SETBP1: variants seen among roughly 807,000 people sequenced by gnomAD.
SETBP1 encodes the protein SET-binding protein.
SETBP1 carries 9 observed loss-of-function variants against 101.0 expected under a neutral mutation model. That is an observed-to-expected ratio of 0.09 (90% confidence interval 0.05 to 0.16). SETBP1 has a LOEUF of 0.16. SETBP1 is among the 10% of genes least tolerant of loss of function. SETBP1 has a pLI of 1.00. For missense variants in SETBP1, 1,858 were observed against 2,033.8 expected (o/e 0.91, Z 1.66); for synonymous variants, 818 against 788.5 (o/e 1.04, Z -0.63).
chr18:44,933,709 A>G lies in SETBP1; in HGVS notation c.541-16172A>G, dbSNP rs187968419. Reference sequence around the variant, plus strand: ...CAGTTTGATCTCAGACTGTTGTGCTAGCAGTGAGTGAGGCTCCGTGGGTGT... The same window carrying G: ...CAGTTTGATCTCAGACTGTTGTGCTGGCAGTGAGTGAGGCTCCGTGGGTGT... On this transcript the variant is annotated intron_variant, in intron 3 of 5. Coordinates refer to ENST00000649279, the MANE Select transcript of SETBP1 (RefSeq NM_015559.3). Among the ~76,000 whole-genome samples the G allele has an allele frequency of 1.2e-4, 18 of 152,300 alleles. 1 individual carries two copies. The highest frequency in any genetic ancestry group is 4.1e-4 in the African/African-American group (17 of 41,584).
chr18:44,891,748 T>C (rs2069775153), intron 3 of SETBP1, among the ~76,000 whole-genome samples: 1 of 152,188 alleles, frequency 6.6e-6, no homozygotes, highest in African/African-American at 2.4e-5. Flanking sequence ...CGTCTTTATC[T>C]GACCAATTCA....
chr18:44,766,799 C>A (rs528286353), intron 2 of SETBP1, among the ~76,000 whole-genome samples: 1 of 152,044 alleles, frequency 6.6e-6, no homozygotes, highest in South Asian at 2.1e-4. Flanking sequence ...TAGCAAGACC[C>A]TGTCTCTGAA....
chr18:44,904,359 TG>T (rs1001526175), intron 3 of SETBP1, among the ~76,000 whole-genome samples: 11 of 152,340 alleles, frequency 7.2e-5, no homozygotes, highest in African/African-American at 2.4e-4. Flanking sequence ...TATTCCTTTT[TG>T]TTTCATGGGC....
intron 2 of SETBP1, among the ~76,000 whole-genome samples, chr18:44,746,393 A>G (rs2070247828): frequency 6.6e-6 from 1 of 152,250 alleles, no homozygotes; most frequent in Admixed American, 6.5e-5. Context: ...GATGAATATT[A>G]CTGTGTTTTT....
At chr18:44,905,568 G>C (rs1221972721) in intron 3 of SETBP1, among the ~76,000 whole-genome samples, 1 of 130,614 alleles carries the variant, frequency 7.7e-6, no homozygotes, top group African/African-American at 2.9e-5. Context: ...GAAATAAAAG[G>C]GTTCTGATAC....
intron 2 of SETBP1, among the ~76,000 whole-genome samples, chr18:44,783,211 T>C (rs1159977772): frequency 6.6e-6 from 1 of 152,224 alleles, no homozygotes; most frequent in African/African-American, 2.4e-5. Flanking sequence ...ATTTTGCATG[T>C]TTTGGGGGAC....
intron 4 of SETBP1, among the ~76,000 whole-genome samples, chr18:45,019,233 T>G (rs990898112): frequency 2.0e-5 from 3 of 152,324 alleles, no homozygotes; most frequent in East Asian, 3.9e-4. Context: ...TTCCACATAT[T>G]ACATAACCAA....
intron 3 of SETBP1, among the ~76,000 whole-genome samples, chr18:44,909,213 G>A (rs2070246291): frequency 6.6e-6 from 1 of 152,230 alleles, no homozygotes; most frequent in Non-Finnish European, 1.5e-5. Context: ...TTAACTGCTG[G>A]CAGTGTGTAG....
chr18:44,875,637 C>G (rs2069385820), intron 3 of SETBP1, among the ~76,000 whole-genome samples: 1 of 151,942 alleles, frequency 6.6e-6, no homozygotes, highest in Admixed American at 6.6e-5. Context: ...CATGTTCACC[C>G]TGCTTTTGGC....
intron 3 of SETBP1, among the ~76,000 whole-genome samples, chr18:44,914,873 G>A (rs776077429): frequency 1.1e-4 from 16 of 152,134 alleles, no homozygotes; most frequent in South Asian, 4.1e-4. Flanking sequence ...CCAAGCCAAC[G>A]TCCTGAGGAC....
At position 44,971,050 on chromosome 18, in the gene SETBP1, A is replaced by G. The variant is rs1432049895; in HGVS notation, c.4000+17710A>G. On this transcript the variant is annotated intron_variant, in intron 4 of 5. Transcript: ENST00000649279. ...CTTCCCCCACCCCACAACAGGCCCCAGTGTGTGATGTTCCCCTTCCAGTGT... is the reference window on the plus strand; with the variant it reads ...CTTCCCCCACCCCACAACAGGCCCCGGTGTGTGATGTTCCCCTTCCAGTGT... 1.4e-4 allele frequency among the ~76,000 whole-genome samples: 14 copies of G among 100,828 alleles called. No individual in the cohort carries two copies. The East Asian group carries it at 2.2e-3, about 16-fold the overall frequency. The allele number at this position is 100,828 out of a possible 152,430, so 66.1% of individuals were successfully genotyped here.
intron 2 of SETBP1, among the ~76,000 whole-genome samples, chr18:44,845,750 A>G (rs1013822706): frequency 6.6e-5 from 10 of 152,182 alleles, no homozygotes; most frequent in Non-Finnish European, 1.2e-4. Context: ...TTTCTCATTT[A>G]TCTAAATTCT....
chr18:44,693,992 T>C (rs1460133293), intron 1 of SETBP1, among the ~76,000 whole-genome samples: 3 of 152,196 alleles, frequency 2.0e-5, no homozygotes, highest in Non-Finnish European at 2.9e-5. Context: ...GCAGAGATGT[T>C]GCTTCAAGTA....
chr18:44,999,522 T>C (rs2072571367), intron 4 of SETBP1, among the ~76,000 whole-genome samples: 1 of 152,206 alleles, frequency 6.6e-6, no homozygotes, highest in Admixed American at 6.5e-5. Flanking sequence ...CTCTGGGATA[T>C]GTTCAGAGTA....
chr18:44,926,343 G>A (rs996877596), intron 3 of SETBP1, among the ~76,000 whole-genome samples: 3 of 152,176 alleles, frequency 2.0e-5, no homozygotes, highest in Admixed American at 6.5e-5. Context: ...GAGAAAAAAG[G>A]CCTAATACAT....
At chr18:45,005,945 CTTTTTTTTTT>C (rs1032603185) in intron 4 of SETBP1, among the ~76,000 whole-genome samples, 3 of 103,156 alleles carry the variant, frequency 2.9e-5, no homozygotes, top group African/African-American at 1.2e-4. Flanking sequence ...TGCACCCGGC[CTTTTTTTTTT>C]TTTTTTTTTT....
At chr18:44,722,018 G>C (rs1329954031) in intron 2 of SETBP1, among the ~76,000 whole-genome samples, 1 of 152,148 alleles carries the variant, frequency 6.6e-6, no homozygotes, top group Non-Finnish European at 1.5e-5. Flanking sequence ...ATGTGTATGT[G>C]AGAGGGCATC....
chr18:44,787,983 T>C (rs1022841897), intron 2 of SETBP1, among the ~76,000 whole-genome samples: 2 of 150,962 alleles, frequency 1.3e-5, no homozygotes, highest in African/African-American at 4.9e-5. Flanking sequence ...TTTGGACTTG[T>C]ATACATTAGT....
chr18:44,800,257 C>T (rs1284536286), intron 2 of SETBP1, among the ~76,000 whole-genome samples: 1 of 152,078 alleles, frequency 6.6e-6, no homozygotes, highest in Non-Finnish European at 1.5e-5. Flanking sequence ...TTTAAAAATG[C>T]CTGCTTTGGA....
Sources: gnomAD v4.1 joint callset for allele counts (sites outside exome capture counted in the v4.1 genomes callset) on GRCh38, gnomAD v4.1.1 for gene constraint, MANE v1.5 for transcripts, NCBI Gene and HGNC (gene_info 2026-07-23, HGNC 2026-07-21) for gene names.